The following SPON1 variants were observed in gnomAD, a reference collection of about 807,000 sequenced individuals.
SPON1 encodes spondin-1.
SPON1 carries 52 observed loss-of-function variants against 111.7 expected under a neutral mutation model. That is an observed-to-expected ratio of 0.47 (90% CI 0.37 to 0.59). SPON1 has a LOEUF of 0.59. Among genes scored for constraint, SPON1 ranks in the 20% least tolerant of loss-of-function variants. The probability of loss-of-function intolerance (pLI) is 0.00; values close to 1 mark genes in which losing one functional copy is unlikely to be tolerated. For synonymous variants in SPON1, 410 were observed against 395.8 expected (o/e 1.04, Z -0.43); for missense variants, 957 against 1,068.5 (o/e 0.90, Z 1.46).
chr11:14,078,459 A>ATTTTTT (rs1313830533), intron 4 of SPON1, among the ~76,000 whole-genome samples: 1 of 150,394 alleles, frequency 6.6e-6, no homozygotes, highest in Non-Finnish European at 1.5e-5. Context: ...TAGGGAGGCA[A>ATTTTTT]TTTTTTTTTT....
chr11:13,999,249 C>T (rs1004338636), intron 2 of SPON1, among the ~76,000 whole-genome samples: 2 of 152,030 alleles, frequency 1.3e-5, no homozygotes, highest in Non-Finnish European at 2.9e-5. Context: ...ATGACACTGT[C>T]GTGTGTAAGG....
intron 2 of SPON1, among the ~76,000 whole-genome samples, chr11:13,991,835 G>A (rs782063093): frequency 6.6e-6 from 1 of 152,172 alleles, no homozygotes; most frequent in African/African-American, 2.4e-5. Flanking sequence ...CCAGTCTGCT[G>A]GAGTTTGCTG....
At chr11:14,247,192 G>A (rs568269822) in intron 7 of SPON1, among the ~76,000 whole-genome samples, 18 of 152,260 alleles carry the variant, frequency 1.2e-4, no homozygotes, top group Admixed American at 9.8e-4. Flanking sequence ...AGGCTCACTC[G>A]AGCCCAGGAG....
chr11:14,074,645 C>T (rs945314135), intron 3 of SPON1, among the ~76,000 whole-genome samples: 14 of 152,320 alleles, frequency 9.2e-5, no homozygotes, highest in African/African-American at 3.4e-4. Context: ...TCAAGGCCAG[C>T]TGAAAATCAA....
At chr11:14,041,228 T>C (rs1193143437) in intron 2 of SPON1, among the ~76,000 whole-genome samples, 3 of 152,182 alleles carry the variant, frequency 2.0e-5, no homozygotes, top group Non-Finnish European at 4.4e-5. Context: ...CACAGGTCGT[T>C]CTATTGAAAT....
chr11:14,109,580 AT>A (rs1180836692), intron 5 of SPON1, among the ~76,000 whole-genome samples: 1 of 152,096 alleles, frequency 6.6e-6, no homozygotes, highest in Non-Finnish European at 1.5e-5. Flanking sequence ...ATTTTTAAAT[AT>A]TTTTATATGT....
rs1402883901 is a variant in SPON1 at position 14,267,901 on chromosome 11, GTGTA to G, written c.*2220_*2223del. ...TATAAAGAAGTTGTAATTGTTTGTT[GTGTA>G]TGTATTTTTTTCAATGCCAAACCAG... On this transcript the variant is annotated 3_prime_UTR_variant, in exon 16 of 16. Transcript: ENST00000576479. 6.6e-6 allele frequency: 1 copy of G among 152,150 alleles called. No individual in the cohort carries two copies. The highest frequency in any genetic ancestry group is 2.4e-5 in the African/African-American group (1 of 41,434). 9.4% of individuals were successfully genotyped at this position (152,150 alleles called of 1,614,324 possible). A position where few individuals can be genotyped will look rare whatever the true frequency, so the allele number is the denominator to read the frequency against.
At chr11:14,064,349 A>C (rs1554920171) in intron 3 of SPON1, among the ~76,000 whole-genome samples, 2 of 152,248 alleles carry the variant, frequency 1.3e-5, no homozygotes, top group East Asian at 3.8e-4. Context: ...TGGTGGAGGG[A>C]CAGGTCACTT....
At chr11:14,260,075 T>C (rs1168553778) in intron 13 of SPON1, among the ~76,000 whole-genome samples, 1 of 152,226 alleles carries the variant, frequency 6.6e-6, no homozygotes, top group African/African-American at 2.4e-5. Context: ...ACTCCTGTTG[T>C]ACATTGGACT....
At chr11:14,092,101 T>C (rs1048663590) in intron 5 of SPON1, among the ~76,000 whole-genome samples, 8 of 152,258 alleles carry the variant, frequency 5.3e-5, no homozygotes, top group Non-Finnish European at 1.5e-5. Context: ...TGCTGTGAGC[T>C]GCAGACCAGA....
At chr11:14,132,605 A>G (rs912030376) in intron 5 of SPON1, among the ~76,000 whole-genome samples, 8 of 152,270 alleles carry the variant, frequency 5.3e-5, no homozygotes, top group African/African-American at 1.9e-4. Flanking sequence ...CTTCAGGGCA[A>G]CACCATATCC....
intron 6 of SPON1, among the ~76,000 whole-genome samples, chr11:14,182,163 T>C (rs551091579): frequency 5.3e-5 from 8 of 152,290 alleles, no homozygotes; most frequent in African/African-American, 1.7e-4. Flanking sequence ...AGCTCCCTGA[T>C]ATACCCCTTG....
In SPON1 at chr11:14,266,359, T is replaced by C. The variant is rs1446893047; in HGVS notation, c.*672T>C. ...ATAAATTATGGCTGCTTTATTTAAATATAAGGTAGCTAGTTTTTACACCTG... is the reference window on the plus strand; with the variant it reads ...ATAAATTATGGCTGCTTTATTTAAACATAAGGTAGCTAGTTTTTACACCTG... On this transcript the variant is annotated 3_prime_UTR_variant, in exon 16 of 16. Transcript: ENST00000576479. 6.6e-6 allele frequency: 1 copy of C among 152,022 alleles called. No individual in the cohort carries two copies. Among genetic ancestry groups the C allele is most frequent in the African/African-American group, 2.4e-5 (1 of 41,362 alleles). The allele number at this position is 152,022 out of a possible 1,614,324, so 9.4% of individuals were successfully genotyped here. A position where few individuals can be genotyped will look rare whatever the true frequency, so the allele number is the denominator to read the frequency against.
At chr11:14,219,526 A>G (rs536183921) in intron 6 of SPON1, among the ~76,000 whole-genome samples, 1 of 152,270 alleles carries the variant, frequency 6.6e-6, no homozygotes, top group African/African-American at 2.4e-5. Flanking sequence ...ATGATGGCCA[A>G]ATTCCAATCA....
At chr11:14,045,221 G>A (rs1554917729) in intron 3 of SPON1, among the ~76,000 whole-genome samples, 1 of 152,174 alleles carries the variant, frequency 6.6e-6, no homozygotes, top group African/African-American at 2.4e-5. Context: ...CATAAAGATT[G>A]TGTGAATGGC....
chr11:14,249,391 C>T (rs1352520338), intron 7 of SPON1, among the ~76,000 whole-genome samples: 1 of 152,198 alleles, frequency 6.6e-6, no homozygotes, highest in Non-Finnish European at 1.5e-5. Context: ...GGTGGTAGGT[C>T]TAAGCATCCA....
chr11:14,107,446 A>G (rs1849193549), intron 5 of SPON1, among the ~76,000 whole-genome samples: 1 of 152,048 alleles, frequency 6.6e-6, no homozygotes, highest in African/African-American at 2.4e-5. Context: ...TTTGCTTTTC[A>G]AGTCTCTGGT....
At chr11:14,002,840 A>G (rs1554912602) in intron 2 of SPON1, among the ~76,000 whole-genome samples, 1 of 152,088 alleles carries the variant, frequency 6.6e-6, no homozygotes, top group African/African-American at 2.4e-5. Context: ...TTGGCCAGGA[A>G]GATAGTACCT....
chr11:14,177,154 C>T (rs1554933192), intron 6 of SPON1, among the ~76,000 whole-genome samples: 1 of 152,152 alleles, frequency 6.6e-6, no homozygotes, highest in East Asian at 1.9e-4. Context: ...CATTCTCCTG[C>T]CTCAGCCTCC....
Sources: allele counts gnomAD v4.1 joint callset (sites outside exome capture counted in the v4.1 genomes callset), GRCh38; gene constraint gnomAD v4.1.1; transcripts MANE v1.5; gene names NCBI Gene and HGNC (gene_info 2026-07-23, HGNC 2026-07-21).